Variants in CALD1 observed in about 807,000 individuals in gnomAD.
CALD1 encodes caldesmon 1, also known as caldesmon.
In CALD1, 33 loss-of-function variants were observed where a neutral mutation model predicts 99.9. That is an observed-to-expected ratio of 0.33 (90% confidence interval 0.25 to 0.44). The LOEUF is 0.44. CALD1 is among the 20% of genes least tolerant of loss of function. CALD1 has a pLI of 1.00. For synonymous variants in CALD1, 310 were observed against 325.0 expected (o/e 0.95, Z 0.50); for missense variants, 861 against 962.1 (o/e 0.89, Z 1.39).
intron 3 of CALD1, among the ~76,000 whole-genome samples, chr7:134,913,327 G>A (rs188718596): frequency 6.6e-6 from 1 of 152,088 alleles, no homozygotes; most frequent in Non-Finnish European, 1.5e-5. Context: ...TAAATAAACT[G>A]AACTTAGAAC....
chr7:134,950,736 A>G (rs982757750), intron 9 of CALD1, among the ~76,000 whole-genome samples: 1 of 152,116 alleles, frequency 6.6e-6, no homozygotes, highest in Admixed American at 6.5e-5. Context: ...TGGGCAGATC[A>G]CCTGAGGTCA....
chr7:134,915,631 C>G (rs551162935), intron 3 of CALD1, among the ~76,000 whole-genome samples: 1 of 152,352 alleles, frequency 6.6e-6, no homozygotes. Flanking sequence ...TGCTCCCTCT[C>G]TCAGAGTCCT....
chr7:134,873,204 C>CA (rs66974407), intron 3 of CALD1, among the ~76,000 whole-genome samples: 19 of 146,952 alleles, frequency 1.3e-4, no homozygotes, highest in Admixed American at 8.4e-4. Context: ...ACAAACAAAA[C>CA]AAAAAAAACC....
At chr7:134,785,810 T>C (rs1025370177) in intron 1 of CALD1, among the ~76,000 whole-genome samples, 2 of 152,166 alleles carry the variant, frequency 1.3e-5, no homozygotes, top group African/African-American at 4.8e-5. Context: ...ATAAATATCT[T>C]CTAATATTTG....
chr7:134,712,347 T>C, the CALD1 span, among the ~76,000 whole-genome samples: 1 of 152,204 alleles, frequency 6.6e-6, no homozygotes, highest in South Asian at 2.1e-4. Flanking sequence ...GCAGTCATAA[T>C]GCCCTGCTTT....
At chr7:134,841,629 C>T (rs1799653951) in intron 1 of CALD1, among the ~76,000 whole-genome samples, 1 of 152,222 alleles carries the variant, frequency 6.6e-6, no homozygotes, top group African/African-American at 2.4e-5. Flanking sequence ...ACCTCCATCC[C>T]TCTGGGCACT....
At position 134,941,297 on chromosome 7, in the gene CALD1, A is replaced by G. The variant is rs922808846; in HGVS notation, c.1532+60A>G. On this transcript the variant is annotated intron_variant, in intron 7 of 14. Transcript: ENST00000361675. ...TCACATGCAAAGAAAAAAAAAAAAA[A>G]GTCAGTCTTCCCATCCTGTGCTTCC... 22 of 1,325,680 alleles carry G rather than the reference A, an allele frequency of 1.7e-5. No individual in the cohort carries two copies. In the African/African-American group the frequency reaches 1.9e-4, roughly 12 times the overall value. 82.1% of individuals were successfully genotyped at this position (1,325,680 alleles called of 1,614,324 possible). A position where few individuals can be genotyped will look rare whatever the true frequency, so the allele number is the denominator to read the frequency against.
chr7:134,841,571 T>C (rs1261023427), intron 1 of CALD1, among the ~76,000 whole-genome samples: 1 of 152,192 alleles, frequency 6.6e-6, no homozygotes, highest in African/African-American at 2.4e-5. Flanking sequence ...TGCAAGCCTG[T>C]AGAACACAGC....
chr7:134,757,182 CT>C (rs1796737588), intron 1 of CALD1, among the ~76,000 whole-genome samples: 1 of 151,868 alleles, frequency 6.6e-6, no homozygotes, highest in Non-Finnish European at 1.5e-5. Flanking sequence ...AAACATTATT[CT>C]CCATATTGGC....
At chr7:134,919,989 T>C (rs1252377536) in intron 3 of CALD1, among the ~76,000 whole-genome samples, 1 of 152,162 alleles carries the variant, frequency 6.6e-6, no homozygotes, top group Non-Finnish European at 1.5e-5. Context: ...AGGAAAAAAA[T>C]TCAGAGTTGG....
intron 1 of CALD1, among the ~76,000 whole-genome samples, chr7:134,761,953 C>A (rs900040134): frequency 1.3e-5 from 2 of 152,072 alleles, no homozygotes; most frequent in Non-Finnish European, 2.9e-5. Context: ...ACCTGGGAAC[C>A]CCCAGTTTGG....
chr7:134,761,930 T>G (rs556320771), intron 1 of CALD1, among the ~76,000 whole-genome samples: 9 of 152,326 alleles, frequency 5.9e-5, no homozygotes, highest in African/African-American at 2.2e-4. Flanking sequence ...AGGGTAGTAT[T>G]TAGCAGGAAC....
chr7:134,951,082 A>C (rs2133159333), intron 9 of CALD1, among the ~76,000 whole-genome samples: 1 of 152,272 alleles, frequency 6.6e-6, no homozygotes, highest in South Asian at 2.1e-4. Context: ...TACATGGTGG[A>C]AGGAGAAAGG....
the CALD1 span, chr7:134,734,770 CTG>C: frequency 6.5e-6 from 1 of 152,686 alleles, no homozygotes; most frequent in African/African-American, 2.4e-5. Context: ...TCCACCATGA[CTG>C]TGAGGCCTCC....
intron 7 of CALD1, among the ~76,000 whole-genome samples, chr7:134,942,473 G>A (rs1806527570): frequency 6.6e-6 from 1 of 152,126 alleles, no homozygotes; most frequent in Non-Finnish European, 1.5e-5. Context: ...GTACATAAAA[G>A]ATCTAAATAA....
Position 134,886,875 on chromosome 7 carries a change from C to T in CALD1, c.71+19071C>T, listed in dbSNP as rs139412141. ...TAGAATTTTTGTATACATGTCTTAT[C>T]TCCCTTTAGGACTGCCCTTCTTATC... On this transcript the variant is annotated intron_variant, in intron 3 of 14. Transcript: ENST00000361675. 3.3e-5 allele frequency among the ~76,000 whole-genome samples: 5 copies of T among 152,334 alleles called. No individual in the cohort carries two copies. In the East Asian group the frequency reaches 7.7e-4, roughly 23 times the overall value.
chr7:134,799,585 A>T (rs1307592403), intron 1 of CALD1, among the ~76,000 whole-genome samples: 1 of 152,210 alleles, frequency 6.6e-6, no homozygotes, highest in Non-Finnish European at 1.5e-5. Context: ...GTGGCTCTGC[A>T]GCTGAAAGAA....
chr7:134,721,329 C>CAAA, the CALD1 span, among the ~76,000 whole-genome samples: 86 of 123,684 alleles, frequency 7.0e-4, no homozygotes, highest in South Asian at 1.3e-3. Context: ...AAGTCATCTG[C>CAAA]AAAAAAAAAA....
chr7:134,867,081 C>G (rs1371826641), intron 2 of CALD1: 4 of 152,148 alleles, frequency 2.6e-5, no homozygotes, highest in African/African-American at 9.7e-5. Flanking sequence ...TGTAGAAAAG[C>G]AGTGATTTTA....
Sources: gnomAD v4.1 joint callset for allele counts (sites outside exome capture counted in the v4.1 genomes callset) on GRCh38, gnomAD v4.1.1 for gene constraint, MANE v1.5 for transcripts, NCBI Gene and HGNC (gene_info 2026-07-23, HGNC 2026-07-21) for gene names.